PCDH15: variants seen among roughly 807,000 people sequenced by gnomAD.
The protein encoded by PCDH15 is protocadherin related 15, also known as protocadherin-15.
In PCDH15, 129 loss-of-function variants were observed where a neutral mutation model predicts 178.5. The ratio of observed to expected loss-of-function variants is 0.72; its 90% CI spans 0.63 to 0.84. The LOEUF is 0.84. PCDH15 is among the 40% of genes least tolerant of loss of function. PCDH15 has a pLI of 0.00. For missense variants in PCDH15, 2,230 were observed against 2,099.9 expected, an observed-to-expected ratio of 1.06 and a Z score of -1.21; for synonymous variants, 800 against 732.0, an observed-to-expected ratio of 1.09 and a Z score of -1.50.
At chr10:55,284,784 A>G (rs1588879369) in intron 1 of PCDH15, among the ~76,000 whole-genome samples, 1 of 152,030 alleles carries the variant, frequency 6.6e-6, no homozygotes, top group African/African-American at 2.4e-5. Context: ...TCAGACATAT[A>G]TTTATCATGG....
At chr10:54,446,022 G>A (rs2076123209) in intron 3 of PCDH15, among the ~76,000 whole-genome samples, 1 of 150,948 alleles carries the variant, frequency 6.6e-6, no homozygotes, top group Admixed American at 6.6e-5. Flanking sequence ...TTAAGTTCTT[G>A]TCCCCTTTGG....
At chr10:54,303,302 A>T (rs2060253878) in intron 8 of PCDH15, among the ~76,000 whole-genome samples, 1 of 152,048 alleles carries the variant, frequency 6.6e-6, no homozygotes, top group African/African-American at 2.4e-5. Context: ...ACAGACCAAA[A>T]ATATTGCAAA....
At position 55,034,710 on chromosome 10, in the gene PCDH15, AAC is replaced by A. The variant is rs1440447756; in HGVS notation, c.-80+131864_-80+131865del. Among the ~76,000 whole-genome samples the A allele has an allele frequency of 2.6e-5, 4 of 152,200 alleles. No individual in the cohort carries two copies. In the East Asian group the frequency reaches 5.8e-4, roughly 22 times the overall value. ...CATTTACATTTAATTTCTAGAATGAAACACAGTAAACAGACATTCTAAAAAAT... is the reference window on the plus strand; with the variant it reads ...CATTTACATTTAATTTCTAGAATGAAACAGTAAACAGACATTCTAAAAAAT... On this transcript the variant is annotated intron_variant, in intron 2 of 5. Transcript: ENST00000458638.
At chr10:54,075,385 A>C (rs1005254826) in intron 17 of PCDH15, among the ~76,000 whole-genome samples, 1 of 89,294 alleles carries the variant, frequency 1.1e-5, no homozygotes, top group African/African-American at 2.8e-5. Context: ...TCAAAAAATA[A>C]AAAAAAAGAT....
chr10:54,927,011 G>T (rs983196409), intron 2 of PCDH15, among the ~76,000 whole-genome samples: 1 of 151,638 alleles, frequency 6.6e-6, no homozygotes, highest in Non-Finnish European at 1.5e-5. Context: ...TTTGATTTTA[G>T]TTCTTTTCGT....
chr10:54,344,287 A>G (rs1942822576), intron 6 of PCDH15, among the ~76,000 whole-genome samples: 1 of 152,150 alleles, frequency 6.6e-6, no homozygotes, highest in Non-Finnish European at 1.5e-5. Context: ...AATTTTGAAA[A>G]TGCATGTGGT....
At chr10:55,616,897 A>T (rs1589189684) in intron 2 of PCDH15, among the ~76,000 whole-genome samples, 1 of 152,126 alleles carries the variant, frequency 6.6e-6, no homozygotes, top group African/African-American at 2.4e-5. Flanking sequence ...TTAATATAGT[A>T]TTGTAGAATA....
chr10:54,986,368 TGG>T (rs1220154611), intron 2 of PCDH15, among the ~76,000 whole-genome samples: 1 of 152,130 alleles, frequency 6.6e-6, no homozygotes, highest in Non-Finnish European at 1.5e-5. Flanking sequence ...GACATATATC[TGG>T]AAAAGTACAA....
At chr10:54,932,784 G>A (rs182756232) in intron 2 of PCDH15, among the ~76,000 whole-genome samples, 8 of 151,956 alleles carry the variant, frequency 5.3e-5, no homozygotes, top group African/African-American at 7.2e-5. Flanking sequence ...TGATCCACCC[G>A]CCTCGGCCTC....
chr10:55,105,902 C>T (rs758476127), intron 2 of PCDH15, among the ~76,000 whole-genome samples: 6 of 152,094 alleles, frequency 3.9e-5, no homozygotes, highest in Admixed American at 6.6e-5. Context: ...ATCCTATGAG[C>T]CTTCAATGAC....
chr10:53,876,768 CT>C, intron 26 of PCDH15, among the ~76,000 whole-genome samples: 1 of 152,206 alleles, frequency 6.6e-6, no homozygotes, highest in South Asian at 2.1e-4. Context: ...TACCTATTTA[CT>C]TTTTGTAGAG....
At chr10:55,086,235 T>C (rs1842164262) in intron 2 of PCDH15, among the ~76,000 whole-genome samples, 1 of 151,956 alleles carries the variant, frequency 6.6e-6, no homozygotes, top group African/African-American at 2.4e-5. Flanking sequence ...ATCACTCTCA[T>C]AGTTTGAAGT....
At chr10:54,733,821 GC>G (rs200804095) in intron 1 of PCDH15, among the ~76,000 whole-genome samples, 18,305 of 151,244 alleles carry the variant, frequency 0.12, 1,227 homozygotes, top group African/African-American at 0.17. Flanking sequence ...TGACAAAGTT[GC>G]TTTAAAGACA....
chr10:55,086,495 G>A (rs1842170930), intron 2 of PCDH15, among the ~76,000 whole-genome samples: 1 of 151,964 alleles, frequency 6.6e-6, no homozygotes, highest in South Asian at 2.1e-4. Context: ...CCTGGTATAA[G>A]CGTTAGCCTA....
chr10:53,840,272 G>A, intron 29 of PCDH15, 48 bp downstream of exon 29: 1 of 1,567,886 alleles, frequency 6.4e-7, no homozygotes, highest in East Asian at 2.2e-5. Context: ...ATCATCTATG[G>A]TTGCTATTGT....
rs559533507 is a variant in PCDH15 at position 54,431,057 on chromosome 10, G to A, written c.158-52115C>T. Among the ~76,000 whole-genome samples, 4 of 151,926 alleles carry A rather than the reference G, an allele frequency of 2.6e-5. 1 individual carries two copies. Among genetic ancestry groups the A allele is most frequent in the South Asian group, 4.2e-4 (2 of 4,814 alleles). On this transcript the variant is annotated intron_variant, in intron 3 of 37. Transcript: ENST00000644397. The stretch of plus-strand genomic sequence containing the variant: ...ACACATACAAGCTACCAGAATAGAC[G>A]CAAGAAGAAATAAAAAAACTGAACA...
intron 2 of PCDH15, among the ~76,000 whole-genome samples, chr10:55,152,320 G>A (rs1461177266): frequency 6.6e-6 from 1 of 151,422 alleles, no homozygotes; most frequent in South Asian, 2.1e-4. Context: ...TAATAGGTCC[G>A]TATAGGTTTT....
chr10:54,673,482 A>G (rs2094716923), intron 1 of PCDH15, among the ~76,000 whole-genome samples: 2 of 152,142 alleles, frequency 1.3e-5, no homozygotes, highest in African/African-American at 4.8e-5. Flanking sequence ...CTTGTTGCCC[A>G]GGCTGGAGTG....
At chr10:54,600,827 C>T (rs1307547464) in intron 2 of PCDH15, 12 of 367,038 alleles carry the variant, frequency 3.3e-5, no homozygotes, top group South Asian at 9.0e-5. Flanking sequence ...TGCATGCAAG[C>T]TCAGTGTGCT....
Sources: gnomAD v4.1 joint callset for allele counts (sites outside exome capture counted in the v4.1 genomes callset) on GRCh38, gnomAD v4.1.1 for gene constraint, MANE v1.5 for transcripts, NCBI Gene and HGNC (gene_info 2026-07-23, HGNC 2026-07-21) for gene names.